PRKCB: variants seen among roughly 807,000 people sequenced by gnomAD.
PRKCB encodes the protein protein kinase C beta type.
PRKCB carries 13 observed loss-of-function variants against 81.5 expected under a neutral mutation model. The observed-to-expected ratio is 0.16, with a 90% CI of 0.10 to 0.25. PRKCB has a LOEUF of 0.25. Ranked by LOEUF, PRKCB falls within the 10% of genes least tolerant of loss-of-function variation. The probability of loss-of-function intolerance (pLI) is 1.00; values close to 1 mark genes in which losing one functional copy is unlikely to be tolerated. For missense variants in PRKCB, 509 were observed against 875.7 expected (o/e 0.58, Z 5.29); for synonymous variants, 335 against 321.4 (o/e 1.04, Z -0.45).
At chr16:23,925,577 T>C (rs1963885491) in intron 2 of PRKCB, among the ~76,000 whole-genome samples, 1 of 152,102 alleles carries the variant, frequency 6.6e-6, no homozygotes, top group Non-Finnish European at 1.5e-5. Flanking sequence ...CATCCCTGTC[T>C]GAGGTCATCC....
At chr16:23,916,220 ATTT>A (rs10678336) in intron 2 of PRKCB, among the ~76,000 whole-genome samples, 1 of 112,866 alleles carries the variant, frequency 8.9e-6, no homozygotes. Flanking sequence ...CATGTGGCTA[ATTT>A]TTTTTTTTTT....
At chr16:24,196,521 T>C (rs897466006) in intron 16 of PRKCB, among the ~76,000 whole-genome samples, 1 of 152,210 alleles carries the variant, frequency 6.6e-6, no homozygotes, top group African/African-American at 2.4e-5. Context: ...GGTAGAGAGA[T>C]CTGCAGCTTC....
intron 7 of PRKCB, among the ~76,000 whole-genome samples, chr16:24,105,055 A>ATT (rs71154278): frequency 0.16 from 23,279 of 148,118 alleles, 2,936 homozygotes; most frequent in African/African-American, 0.35. Flanking sequence ...ACGTTGTTGG[A>ATT]TTTTTTTTTT....
rs371751441 is a variant in PRKCB at position 23,916,859 on chromosome 16, A to C, written c.206-71649A>C. Among the ~76,000 whole-genome samples the C allele has an allele frequency of 2.6e-5, 4 of 152,010 alleles. No individual in the cohort carries two copies. The East Asian group carries it at 7.7e-4, about 29-fold the overall frequency. The stretch of plus-strand genomic sequence containing the variant: ...ACTGCAGCCTCTGCCTCCTGGGCTC[A>C]AGCAATCCTCCTACCTTAGCCTCCT... On this transcript the variant is annotated intron_variant, in intron 2 of 16. Coordinates refer to ENST00000643927, the MANE Select transcript of PRKCB (RefSeq NM_002738.7).
intron 2 of PRKCB, among the ~76,000 whole-genome samples, chr16:23,932,521 A>G (rs1376756217): frequency 2.0e-5 from 3 of 152,248 alleles, no homozygotes; most frequent in African/African-American, 7.2e-5. Flanking sequence ...TGAACCAGGT[A>G]TGGCTCCACT....
At chr16:24,155,021 A>G (rs1967135942) in intron 10 of PRKCB, among the ~76,000 whole-genome samples, 164 bp downstream of exon 10, 1 of 152,242 alleles carries the variant, frequency 6.6e-6, no homozygotes, top group Non-Finnish European at 1.5e-5. Context: ...TGAGGTTGCT[A>G]CTGAGAAACG....
intron 2 of PRKCB, among the ~76,000 whole-genome samples, chr16:23,929,718 A>C (rs980503724): frequency 6.6e-6 from 1 of 152,172 alleles, no homozygotes; most frequent in Non-Finnish European, 1.5e-5. Context: ...TGGGCAAGAA[A>C]TGAATTGCAC....
chr16:23,961,161 G>A (rs913944782), intron 2 of PRKCB, among the ~76,000 whole-genome samples: 3 of 151,694 alleles, frequency 2.0e-5, no homozygotes, highest in East Asian at 3.9e-4. Flanking sequence ...CTCCCATCTC[G>A]TCCTCCGAAG....
At chr16:24,123,568 T>A (rs984391417) in intron 8 of PRKCB, among the ~76,000 whole-genome samples, 2 of 151,982 alleles carry the variant, frequency 1.3e-5, no homozygotes, top group Non-Finnish European at 2.9e-5. Context: ...ATGGTTGAGA[T>A]GGAAAGAAGT....
At chr16:24,095,020 T>A (rs565503655) in intron 7 of PRKCB, among the ~76,000 whole-genome samples, 11 of 152,162 alleles carry the variant, frequency 7.2e-5, no homozygotes, top group Admixed American at 2.6e-4. Context: ...TTGAGAACAG[T>A]TGAATAGTTA....
At chr16:23,903,607 G>A (rs1963516072) in intron 2 of PRKCB, among the ~76,000 whole-genome samples, 1 of 152,120 alleles carries the variant, frequency 6.6e-6, no homozygotes, top group Admixed American at 6.5e-5. Context: ...TTTTAACTAT[G>A]GGTTTTGGAT....
chr16:24,141,242 T>C (rs543452122), intron 9 of PRKCB, among the ~76,000 whole-genome samples: 2 of 152,320 alleles, frequency 1.3e-5, no homozygotes, highest in South Asian at 4.1e-4. Flanking sequence ...TTGCCCAGGC[T>C]GGAGTGCAGA....
chr16:24,012,790 T>C (rs543862501), intron 3 of PRKCB, among the ~76,000 whole-genome samples: 1 of 152,354 alleles, frequency 6.6e-6, no homozygotes, highest in African/African-American at 2.4e-5. Flanking sequence ...GTCCTACTCA[T>C]GAGGCCCTGC....
rs755165643 is a variant in PRKCB at position 24,094,132 on chromosome 16, C to T, written c.687-31C>T. 6.2e-6 allele frequency: 10 copies of T among 1,607,992 alleles called. No individual in the cohort carries two copies. The East Asian group carries it at 1.8e-4, about 29-fold the overall frequency. The stretch of plus-strand genomic sequence containing the variant: ...TCTGCTTGAGAAATTACTACAACCT[C>T]CACTGATGTCTTTTCTTTTTCTCTA... On this transcript the variant is annotated intron_variant, in intron 6 of 16. Coordinates refer to ENST00000643927, the MANE Select transcript of PRKCB (RefSeq NM_002738.7).
chr16:23,839,610 T>C lies in PRKCB; in HGVS notation c.205+2204T>C, dbSNP rs182083026. On this transcript the variant is annotated intron_variant, in intron 2 of 16. Transcript: ENST00000643927. Reference sequence around the variant, plus strand: ...TTTTAAATTGCCTTTCTTTTTCTCTTCCCTGCCTCCCCACCAAGAGGCAGC... The same window carrying C: ...TTTTAAATTGCCTTTCTTTTTCTCTCCCCTGCCTCCCCACCAAGAGGCAGC... 7.9e-3 allele frequency among the ~76,000 whole-genome samples: 948 copies of C among 120,574 alleles called. 28 individuals carry two copies. The highest frequency in any genetic ancestry group is 4.6e-3 in the Non-Finnish European group (240 of 52,138). The allele number at this position is 120,574 out of a possible 152,430, so 79.1% of individuals were successfully genotyped here.
intron 6 of PRKCB, 37 bp from the exon 7 acceptor site, chr16:24,094,126 C>A: frequency 6.3e-7 from 1 of 1,598,750 alleles, no homozygotes; most frequent in South Asian, 1.1e-5. Flanking sequence ...GAAATTACTA[C>A]AACCTCCACT....
At chr16:23,873,204 A>G (rs11647863) in intron 2 of PRKCB, among the ~76,000 whole-genome samples, 1 of 140,802 alleles carries the variant, frequency 7.1e-6, no homozygotes, top group Non-Finnish European at 1.5e-5. Flanking sequence ...AAAAAAAAAA[A>G]AAAAAGAAAA....
At chr16:23,935,606 C>CA (rs200623798) in intron 2 of PRKCB, among the ~76,000 whole-genome samples, 269 of 149,452 alleles carry the variant, frequency 1.8e-3, no homozygotes, top group African/African-American at 4.3e-3. Context: ...TCACAGGACT[C>CA]AAAAAAAAAT....
chr16:24,121,086 CT>C (rs1966794118), intron 8 of PRKCB, among the ~76,000 whole-genome samples: 1 of 152,230 alleles, frequency 6.6e-6, no homozygotes, highest in Non-Finnish European at 1.5e-5. Flanking sequence ...CCTTTCAACA[CT>C]TTGTCTGCCT....
Sources: allele counts gnomAD v4.1 joint callset (sites outside exome capture counted in the v4.1 genomes callset), GRCh38; gene constraint gnomAD v4.1.1; transcripts MANE v1.5; gene names NCBI Gene and HGNC (gene_info 2026-07-23, HGNC 2026-07-21).